PLCZ1: variants seen among roughly 807,000 people sequenced by gnomAD.
The protein encoded by PLCZ1 is 1-phosphatidylinositol 4,5-bisphosphate phosphodiesterase zeta-1.
PLCZ1 carries 64 observed loss-of-function variants against 76.8 expected under a neutral mutation model. The observed-to-expected ratio is 0.83, with a 90% CI of 0.68 to 1.03. The LOEUF (loss-of-function observed/expected upper bound fraction) is 1.03. Among genes scored for constraint, PLCZ1 ranks in the 50% least tolerant of loss-of-function variants. PLCZ1 has a pLI of 0.00. For missense variants in PLCZ1, 751 were observed against 713.7 expected, an observed-to-expected ratio of 1.05 and a Z score of -0.60; for synonymous variants, 248 against 230.8, an observed-to-expected ratio of 1.07 and a Z score of -0.68.
chr12:18,688,191 T>G lies in PLCZ1; in HGVS notation c.1489A>C (p.Thr497Pro). 2 of 1,610,562 alleles carry G rather than the reference T, an allele frequency of 1.2e-6. No homozygotes were observed. The highest frequency in any genetic ancestry group is 1.3e-5 in the African/African-American group (1 of 74,868). The change falls in exon 13 of 15, where the codon ACT becomes CCT. Residue 497 changes from threonine (T) to proline (P), a missense_variant. Thr to Pro is a conservative substitution (Grantham distance 38). Coordinates refer to ENST00000266505, the MANE Select transcript of PLCZ1 (RefSeq NM_033123.4). Reference protein sequence around the residue: ...RLISGIQLPLTHSSSNKGDSL... With the variant: ...RLISGIQLPLPHSSSNKGDSL... Reference sequence around the variant, plus strand: ...TCACCTTTGTTAGATGATGAATGAGTAAGAGGCAACTGGATACCACTGATG... The same window carrying G: ...TCACCTTTGTTAGATGATGAATGAGGAAGAGGCAACTGGATACCACTGATG...
At chr12:18,692,036 G>A (rs2137129131) in intron 12 of PLCZ1, among the ~76,000 whole-genome samples, 1 of 152,220 alleles carries the variant, frequency 6.6e-6, no homozygotes, top group East Asian at 1.9e-4. Flanking sequence ...TATTACGATG[G>A]TGGAAAAAGG....
At chr12:18,722,432 G>T (rs141466749) in intron 4 of PLCZ1, among the ~76,000 whole-genome samples, 4 of 152,082 alleles carry the variant, frequency 2.6e-5, no homozygotes, top group African/African-American at 4.8e-5. Flanking sequence ...AATAAGTTTG[G>T]TTTTTTAGAA....
In PLCZ1 at chr12:18,701,707, C is replaced by G. The variant is rs780146013; in HGVS notation, c.934G>C (p.Gly312Arg). 5 of 1,611,774 alleles carry G rather than the reference C, an allele frequency of 3.1e-6. No individual in the cohort carries two copies. The highest frequency in any genetic ancestry group is 1.7e-5 in the Admixed American group (1 of 59,918). Residue 312 changes from glycine to arginine, a missense_variant, in exon 8 of 15, where the codon GGT (glycine) becomes CGT (arginine). By Grantham distance (125) the Gly-to-Arg change is moderately radical. Coordinates refer to ENST00000266505, the MANE Select transcript of PLCZ1 (RefSeq NM_033123.4). ...TCCACCTTACCACGCTTATCAGAAC[C>G]TTTTCTTTCATGGGTTTCCTTTAAG... ...GTLKETHERK[G>R]SDKRGDNQDK...
At chr12:18,662,358 T>A in the PLCZ1 span, among the ~76,000 whole-genome samples, 106 of 151,744 alleles carry the variant, frequency 7.0e-4, 1 homozygote, top group African/African-American at 2.5e-3. Flanking sequence ...GAGGGAGAAA[T>A]TAAGAAATTA....
the PLCZ1 span, among the ~76,000 whole-genome samples, chr12:18,653,468 T>C: frequency 2.6e-5 from 4 of 152,206 alleles, no homozygotes; most frequent in Admixed American, 1.3e-4. Flanking sequence ...ATTTGAACAG[T>C]GACTGAATTC....
At chr12:18,647,880 T>G in the PLCZ1 span, 1 of 1,539,780 alleles carries the variant, frequency 6.5e-7, no homozygotes, top group Non-Finnish European at 8.8e-7. Flanking sequence ...TTTTAGGTAG[T>G]ATATGATGAA....
At position 18,736,205 on chromosome 12, in the gene PLCZ1, G is replaced by C; in HGVS notation, c.135+16C>G. ...CCACCTAGGATAGGATAGGCAGGGG[G>C]TGGATGTCATCTTACCTTAAAAATC... On this transcript the variant is annotated intron_variant, in intron 3 of 14. Coordinates refer to ENST00000266505, the MANE Select transcript of PLCZ1 (RefSeq NM_033123.4). 2 of 1,610,804 alleles carry C rather than the reference G, an allele frequency of 1.2e-6. No individual in the cohort carries two copies. The highest frequency in any genetic ancestry group is 8.5e-7 in the Non-Finnish European group (1 of 1,177,768).
chr12:18,721,157 G>A (rs1055822057), intron 4 of PLCZ1, among the ~76,000 whole-genome samples: 5 of 151,888 alleles, frequency 3.3e-5, no homozygotes, highest in Non-Finnish European at 7.4e-5. Flanking sequence ...TTGAACTACT[G>A]AATAATTAAA....
At chr12:18,736,027 T>C (rs1959218819) in intron 3 of PLCZ1, 194 bp downstream of exon 3, 3 of 537,218 alleles carry the variant, frequency 5.6e-6, no homozygotes, top group Non-Finnish European at 9.4e-6. Context: ...TCTAAACTGA[T>C]ATCCTGGTAT....
chr12:18,714,284 C>T (rs1179410724), intron 5 of PLCZ1, among the ~76,000 whole-genome samples: 2 of 152,156 alleles, frequency 1.3e-5, no homozygotes, highest in Admixed American at 6.5e-5. Context: ...CCTGGCCTGA[C>T]ATGGAGCTAA....
intron 3 of PLCZ1, among the ~76,000 whole-genome samples, chr12:18,727,547 G>A (rs1050229660): frequency 1.3e-5 from 2 of 152,224 alleles, no homozygotes; most frequent in South Asian, 4.1e-4. Context: ...GTTAAGATCA[G>A]AGCAAATGAA....
chr12:18,683,594 GC>G (rs772228436), intron 14 of PLCZ1: 1 of 1,442,394 alleles, frequency 6.9e-7, no homozygotes, highest in South Asian at 1.2e-5. Flanking sequence ...CCACCCTTCT[GC>G]TTCAGGAAGA....
At chr12:18,691,833 C>CA (rs1448768174) in intron 12 of PLCZ1, among the ~76,000 whole-genome samples, 4 of 152,148 alleles carry the variant, frequency 2.6e-5, no homozygotes. Context: ...CCTTAACAGA[C>CA]AATACAAAAG....
At chr12:18,698,286 T>TATTC (rs1330262156) in intron 10 of PLCZ1, among the ~76,000 whole-genome samples, 5 of 151,630 alleles carry the variant, frequency 3.3e-5, no homozygotes, top group African/African-American at 1.2e-4. Flanking sequence ...TATTCTATTC[T>TATTC]ACTCCATTCC....
rs563553688 is a variant in PLCZ1, at chr12:18,694,959, A to C, written c.1412T>G (p.Phe471Cys). The C allele has an allele frequency of 2.6e-5, 41 of 1,605,700 alleles. No homozygotes were observed. In the South Asian group the frequency reaches 4.2e-4, roughly 16 times the overall value. Residue 471 changes from phenylalanine to cysteine, a missense_variant, in exon 12 of 15, where the codon TTT becomes TGT. By Grantham distance (205) the Phe-to-Cys change is radical (BLOSUM62 -2). Coordinates refer to ENST00000266505, the MANE Select transcript of PLCZ1 (RefSeq NM_033123.4). Reference protein sequence around the residue: ...PHFLRESKSYFNPSNIKEGMP... With the variant: ...PHFLRESKSYCNPSNIKEGMP... ...ACCCTCTTTTATGTTACTTGGGTTA[A>C]AGTATGATTTACTCTCTCTTAAGAA...
chr12:18,707,631 T>C (rs1404838766), intron 6 of PLCZ1, among the ~76,000 whole-genome samples: 1 of 152,182 alleles, frequency 6.6e-6, no homozygotes, highest in Non-Finnish European at 1.5e-5. Context: ...AGATTTCTTA[T>C]GTATTTATTC....
intron 3 of PLCZ1, among the ~76,000 whole-genome samples, chr12:18,727,062 G>T (rs1021988002): frequency 1.3e-5 from 2 of 152,102 alleles, no homozygotes; most frequent in Admixed American, 6.6e-5. Flanking sequence ...TATAATCTTT[G>T]TAGCTGAGCA....
chr12:18,669,847 A>G, the PLCZ1 span, among the ~76,000 whole-genome samples: 1 of 151,944 alleles, frequency 6.6e-6, no homozygotes, highest in African/African-American at 2.4e-5. Context: ...TTGTTTGCTC[A>G]TTTAGCAGAG....
chr12:18,681,021 T>A (rs769590491), downstream of PLCZ1, among the ~76,000 whole-genome samples: 1 of 152,064 alleles, frequency 6.6e-6, no homozygotes, highest in Non-Finnish European at 1.5e-5. Context: ...ATATTCATGT[T>A]TTTGCCGTGC....
Sources: allele counts gnomAD v4.1 joint callset (sites outside exome capture counted in the v4.1 genomes callset), GRCh38; gene constraint gnomAD v4.1.1; transcripts MANE v1.5; gene names NCBI Gene and HGNC (gene_info 2026-07-23, HGNC 2026-07-21).